Variants in RCOR3 observed in about 807,000 individuals in gnomAD.
RCOR3 encodes the protein REST corepressor 3.
A neutral mutation model predicts 64.1 loss-of-function variants in RCOR3; 13 were observed. The observed-to-expected ratio is 0.20, with a 90% CI of 0.13 to 0.32. The LOEUF (loss-of-function observed/expected upper bound fraction) is 0.32, where lower values mean the gene tolerates loss of function less well. Ranked by LOEUF, RCOR3 falls within the 10% of genes least tolerant of loss-of-function variation. The pLI is 1.00. For missense variants in RCOR3, 489 were observed against 701.2 expected (o/e 0.70, Z 3.42); for synonymous variants, 215 against 239.0 (o/e 0.90, Z 0.93).
intron 7 of RCOR3, among the ~76,000 whole-genome samples, chr1:211,282,979 G>C (rs2102534277): frequency 6.6e-6 from 1 of 152,082 alleles, no homozygotes; most frequent in Non-Finnish European, 1.5e-5. Flanking sequence ...GTATTCTTCA[G>C]TACTTGCCTT....
chr1:211,288,361 GTCA>G (rs1222080044), intron 7 of RCOR3, among the ~76,000 whole-genome samples: 1 of 149,112 alleles, frequency 6.7e-6, no homozygotes, highest in African/African-American at 2.4e-5. Context: ...AAACTTCACA[GTCA>G]TCATTGTTAT....
intron 1 of RCOR3, 146 bp downstream of exon 1, chr1:211,259,872 C>A: frequency 8.9e-7 from 1 of 1,121,594 alleles, no homozygotes; most frequent in Non-Finnish European, 1.2e-6. Context: ...TGCAGTGCAG[C>A]AGCACCCCCG....
chr1:211,295,002 T>C (rs1312541547), intron 8 of RCOR3, among the ~76,000 whole-genome samples: 1 of 151,366 alleles, frequency 6.6e-6, no homozygotes, highest in East Asian at 2.0e-4. Context: ...CTCAGCCTCC[T>C]GAATAACTAG....
At chr1:211,308,660 T>TG (rs1701113953) in intron 10 of RCOR3, among the ~76,000 whole-genome samples, 3 of 60,500 alleles carry the variant, frequency 5.0e-5, no homozygotes, top group African/African-American at 1.3e-4. Context: ...CTTTTGGATG[T>TG]GTTTTTTTTT....
intron 9 of RCOR3, chr1:211,301,881 TTTC>T (rs1382191404): frequency 6.6e-6 from 1 of 152,242 alleles, no homozygotes; most frequent in African/African-American, 2.4e-5. Flanking sequence ...TTCCCTCCAG[TTTC>T]TTTCAGATTT....
chr1:211,290,194 C>T (rs374508344), intron 8 of RCOR3, among the ~76,000 whole-genome samples: 6 of 152,178 alleles, frequency 3.9e-5, no homozygotes. Flanking sequence ...TCTATATCAA[C>T]CAACCCTATA....
Position 211,312,294 on chromosome 1 carries a change from G to A in RCOR3, c.1076-426G>A. The A allele has an allele frequency of 6.6e-6, 3 of 455,922 alleles. No homozygotes were observed. The highest frequency in any genetic ancestry group is 1.3e-5 in the Non-Finnish European group (3 of 226,554). The allele number at this position is 455,922 out of a possible 1,614,324, so 28.2% of individuals were successfully genotyped here. A position where few individuals can be genotyped will look rare whatever the true frequency, so the allele number is the denominator to read the frequency against. ...GGCTACTCACTCAGTCCATTGAGGGGATAAGAGAGATGGCTCATTCCCATC... is the reference window on the plus strand; with the variant it reads ...GGCTACTCACTCAGTCCATTGAGGGAATAAGAGAGATGGCTCATTCCCATC... On this transcript the variant is annotated intron_variant, in intron 10 of 11. Coordinates refer to ENST00000419091, the MANE Select transcript of RCOR3 (RefSeq NM_001136223.3). This position sits in a 1 kb window ranked among gnomAD's most constrained non-coding sequence, Gnocchi z 5.0.
In RCOR3 at chr1:211,313,304, GTGT is replaced by G; in HGVS notation, c.1318-118_1318-116del. Reference sequence around the variant, plus strand: ...AAGCTTGTGCTTCCAATAAACACTGGTGTTATGTTTTTGTTTTGTTTTGATTTG... The same window carrying G: ...AAGCTTGTGCTTCCAATAAACACTGGTATGTTTTTGTTTTGTTTTGATTTG... On this transcript the variant is annotated intron_variant, in intron 11 of 11. Coordinates refer to ENST00000419091, the MANE Select transcript of RCOR3 (RefSeq NM_001136223.3). The surrounding 1 kb of genome is among the most constrained non-coding windows in gnomAD (Gnocchi z 4.7). The G allele has an allele frequency of 6.9e-7, 1 of 1,451,440 alleles. No homozygotes were observed. The highest frequency in any genetic ancestry group is 2.5e-5 in the East Asian group (1 of 40,364). 89.9% of individuals were successfully genotyped at this position (1,451,440 alleles called of 1,614,324 possible). A position where few individuals can be genotyped will look rare whatever the true frequency, so the allele number is the denominator to read the frequency against.
chr1:211,288,927 G>C (rs773530931), intron 7 of RCOR3, among the ~76,000 whole-genome samples: 4 of 151,876 alleles, frequency 2.6e-5, no homozygotes, highest in Non-Finnish European at 5.9e-5. Flanking sequence ...CTTATTCCTA[G>C]TCCTCTGGGC....
rs529110118 is a variant in RCOR3 at position 211,268,505 on chromosome 1, G to A, written c.224-2727G>A. ...AGTGATTATCCTGCCTCAGCCTCTT[G>A]AGTAGCTGGGATTACAGGCATGCGC... On this transcript the variant is annotated intron_variant, in intron 2 of 11. Transcript: ENST00000419091. Among the ~76,000 whole-genome samples the A allele has an allele frequency of 1.1e-4, 16 of 150,640 alleles. 1 individual carries two copies. The South Asian group carries it at 3.4e-3, about 32-fold the overall frequency.
chr1:211,274,172 A>G, intron 3 of RCOR3, 38 bp from the exon 4 acceptor site: 1 of 1,373,366 alleles, frequency 7.3e-7, no homozygotes, highest in Non-Finnish European at 1.0e-6. Context: ...AATGAAGTAA[A>G]TGAGAATAAT....
At chr1:211,268,210 TAAGTA>T (rs1558046369) in intron 2 of RCOR3, among the ~76,000 whole-genome samples, 1 of 152,118 alleles carries the variant, frequency 6.6e-6, no homozygotes, top group Non-Finnish European at 1.5e-5. Flanking sequence ...TTTTATGAAT[TAAGTA>T]AAGGCTTCTG....
intron 3 of RCOR3, chr1:211,271,734 C>G: frequency 3.3e-6 from 1 of 299,976 alleles, no homozygotes; most frequent in Non-Finnish European, 6.7e-6. Context: ...GCCATCAGGT[C>G]ATCTTTGTGC....
Position 211,295,749 on chromosome 1 carries a change from C to A in RCOR3, c.1013C>A (p.Pro338His), listed in dbSNP as rs1159177557. ...GGTGGAATTGAAGAATTCAAACCTCCTGAGGTATGTTATTGAAGGATACAT... is the reference window on the plus strand; with the variant it reads ...GGTGGAATTGAAGAATTCAAACCTCATGAGGTATGTTATTGAAGGATACAT... Reference protein sequence around the residue: ...MEGGIEEFKPPESNQKINARW... With the variant: ...MEGGIEEFKPHESNQKINARW... The change falls in exon 9 of 12, where the codon CCT (proline) becomes CAT (histidine). Residue 338 changes from proline (P) to histidine (H), a missense_variant. Around this residue, in one of 2 missense-constraint regions of RCOR3, gnomAD observed 402 missense variants for 617.0 expected, o/e 0.65. Transcript: ENST00000419091. 6.2e-7 allele frequency: 1 copy of A among 1,612,074 alleles called. No homozygotes were observed. The highest frequency in any genetic ancestry group is 8.5e-7 in the Non-Finnish European group (1 of 1,178,604).
chr1:211,286,773 G>A (rs1407341272), intron 7 of RCOR3, among the ~76,000 whole-genome samples: 1 of 152,076 alleles, frequency 6.6e-6, no homozygotes, highest in African/African-American at 2.4e-5. Flanking sequence ...CTAGTTTTGT[G>A]CACGGTTTGT....
At position 211,312,970 on chromosome 1, in the gene RCOR3, G is replaced by A. The variant is rs1385397198; in HGVS notation, c.1317+9G>A. ...CTGATGAAGAAGAGGAGGTGTGTTT[G>A]TGTATGGAATTTGAGCTAATATGAG... On this transcript the variant is annotated intron_variant, in intron 11 of 11. Transcript: ENST00000419091. The surrounding 1 kb of genome is among the most constrained non-coding windows in gnomAD (Gnocchi z 5.0). 1.9e-6 allele frequency: 3 copies of A among 1,614,010 alleles called. No homozygotes were observed. Among genetic ancestry groups the A allele is most frequent in the Non-Finnish European group, 1.7e-6 (2 of 1,180,026 alleles).
At chr1:211,291,724 C>T (rs1397103239) in intron 8 of RCOR3, 1 of 359,602 alleles carries the variant, frequency 2.8e-6, no homozygotes. Context: ...ACATAGGCCA[C>T]ATTTGCTTCC....
intron 7 of RCOR3, among the ~76,000 whole-genome samples, chr1:211,288,542 ATTAT>A (rs981527699): frequency 2.5e-4 from 36 of 146,464 alleles, no homozygotes; most frequent in South Asian, 1.3e-3. Flanking sequence ...AAATTATAAA[ATTAT>A]TTATAAATAT....
At chr1:211,260,058 C>A (rs748354429) in intron 1 of RCOR3, 50 bp from the exon 2 acceptor site, 24 of 1,457,194 alleles carry the variant, frequency 1.6e-5, no homozygotes, top group Non-Finnish European at 2.2e-5. Context: ...CTTTTTCTTT[C>A]TTTTCTTCTT....
Sources: allele counts gnomAD v4.1 joint callset (sites outside exome capture counted in the v4.1 genomes callset), GRCh38; gene constraint gnomAD v4.1.1; regional missense constraint gnomAD v4.1.1; non-coding constraint Gnocchi (gnomAD v3.1); transcripts MANE v1.5; gene names NCBI Gene and HGNC (gene_info 2026-07-23, HGNC 2026-07-21).